The following LZTS1 variants were observed in gnomAD, a reference collection of about 807,000 sequenced individuals.
LZTS1 encodes leucine zipper tumor suppressor 1.
In LZTS1, 31 loss-of-function variants were observed where a neutral mutation model predicts 45.8. The observed-to-expected ratio is 0.68, with a 90% CI of 0.51 to 0.91. LZTS1 has a LOEUF of 0.91. Among genes scored for constraint, LZTS1 ranks in the 40% least tolerant of loss-of-function variants. The probability of loss-of-function intolerance (pLI) is 0.00; values close to 1 mark genes in which losing one functional copy is unlikely to be tolerated. For missense variants in LZTS1, 821 were observed against 788.9 expected (o/e 1.04, Z -0.49); for synonymous variants, 359 against 357.3 (o/e 1.00, Z -0.05).
intron 1 of LZTS1, among the ~76,000 whole-genome samples, chr8:20,294,826 C>T (rs1440205341): frequency 1.3e-5 from 2 of 152,060 alleles, no homozygotes; most frequent in Admixed American, 6.5e-5. Context: ...GGAGGGCAGA[C>T]CCCACACAGG....
chr8:20,262,543 C>T (rs148487745), intron 1 of LZTS1, among the ~76,000 whole-genome samples: 14 of 152,148 alleles, frequency 9.2e-5, no homozygotes, highest in East Asian at 3.9e-4. Flanking sequence ...AGATGACATT[C>T]GAGAAGAGCC....
At chr8:20,296,721 G>T (rs181476932) in intron 1 of LZTS1, among the ~76,000 whole-genome samples, 1 of 151,712 alleles carries the variant, frequency 6.6e-6, no homozygotes, top group Non-Finnish European at 1.5e-5. Context: ...GTATGTGTGC[G>T]TGTGTGCATG....
At chr8:20,291,621 G>A in intron 1 of LZTS1, among the ~76,000 whole-genome samples, 1 of 146,728 alleles carries the variant, frequency 6.8e-6, no homozygotes, top group Non-Finnish European at 1.5e-5. Flanking sequence ...TGTTCCATCT[G>A]CGATTGAGCA....
chr8:20,249,830 C>T lies in LZTS1; in HGVS notation c.1683G>A (p.Glu561=). 6.2e-7 allele frequency: 1 copy of T among 1,614,228 alleles called. No homozygotes were observed. Among genetic ancestry groups the T allele is most frequent in the South Asian group, 1.1e-5 (1 of 91,092 alleles). The part of the protein sequence containing the change: ...VAMYQRNQRL[E]KALQQLARGD... ...CACGTGCCAGCTGCTGCAGGGCCTT[C>T]TCCAGGCGCTGGTTCCGCTGGTACA... Residue 561 remains glutamate, a synonymous_variant, in exon 4 of 4, where the codon GAG becomes GAA. Coordinates refer to ENST00000381569, the MANE Select transcript of LZTS1 (RefSeq NM_021020.5).
chr8:20,298,973 A>G (rs1801025557), intron 1 of LZTS1, among the ~76,000 whole-genome samples: 1 of 152,244 alleles, frequency 6.6e-6, no homozygotes, highest in Non-Finnish European at 1.5e-5. Flanking sequence ...ACTAGCCGTA[A>G]GCTCACCAGC....
At chr8:20,276,260 T>TTTA (rs3988297) in intron 1 of LZTS1, among the ~76,000 whole-genome samples, 1 of 145,550 alleles carries the variant, frequency 6.9e-6, no homozygotes, top group Non-Finnish European at 1.5e-5. Flanking sequence ...TTTTTTTTTT[T>TTTA]GACTGATGGT....
intron 1 of LZTS1, among the ~76,000 whole-genome samples, chr8:20,275,200 G>A (rs1326628572): frequency 9.2e-5 from 14 of 152,128 alleles, no homozygotes; most frequent in African/African-American, 2.9e-4. Context: ...TCAGGAATTC[G>A]AGACCAGCCT....
intron 1 of LZTS1, among the ~76,000 whole-genome samples, chr8:20,260,927 C>T (rs560167272): frequency 6.6e-6 from 1 of 152,306 alleles, no homozygotes; most frequent in Admixed American, 6.5e-5. Flanking sequence ...AAGCTAATCA[C>T]CTTTAAGTGT....
At chr8:20,296,892 G>A (rs1168000321) in intron 1 of LZTS1, among the ~76,000 whole-genome samples, 1 of 152,166 alleles carries the variant, frequency 6.6e-6, no homozygotes, top group Non-Finnish European at 1.5e-5. Flanking sequence ...TTCAGACACC[G>A]ATTTGGCCTG....
rs1388939360 is a variant in LZTS1 at position 20,249,383 on chromosome 8, G to A, written c.*339C>T. On this transcript the variant is annotated 3_prime_UTR_variant, in exon 4 of 4. Transcript: ENST00000381569. ...GAAGCAGAGGGGAGCCGCTGTACTTGCTGTGGCCACCTTCCCTGGAGGAGG... is the reference window on the plus strand; with the variant it reads ...GAAGCAGAGGGGAGCCGCTGTACTTACTGTGGCCACCTTCCCTGGAGGAGG... 7.7e-6 allele frequency: 2 copies of A among 260,392 alleles called. No individual in the cohort carries two copies. The highest frequency in any genetic ancestry group is 1.8e-4 in the South Asian group (2 of 11,324). 16.1% of individuals were successfully genotyped at this position (260,392 alleles called of 1,614,324 possible). A position where few individuals can be genotyped will look rare whatever the true frequency, so the allele number is the denominator to read the frequency against.
At chr8:20,254,721 T>C (rs568536234) in intron 2 of LZTS1, 116 bp downstream of exon 2, 1 of 835,766 alleles carries the variant, frequency 1.2e-6, no homozygotes, top group East Asian at 2.7e-5. Context: ...CGCTCTGGTT[T>C]TGAGGAGTCT....
At chr8:20,299,442 T>C (rs1179853674) in intron 1 of LZTS1, among the ~76,000 whole-genome samples, 3 of 152,226 alleles carry the variant, frequency 2.0e-5, no homozygotes, top group African/African-American at 7.2e-5. Flanking sequence ...GTTTTCAACT[T>C]ACTTGTCATT....
chr8:20,264,613 G>C (rs760441741), intron 1 of LZTS1, among the ~76,000 whole-genome samples: 2 of 152,160 alleles, frequency 1.3e-5, no homozygotes, highest in African/African-American at 4.8e-5. Flanking sequence ...CTGTGACCAG[G>C]TGTGGTGAAG....
At chr8:20,290,420 G>A (rs1355754508) in intron 1 of LZTS1, 4 of 152,204 alleles carry the variant, frequency 2.6e-5, no homozygotes, top group African/African-American at 4.8e-5. Context: ...AAGGCAATAC[G>A]GAGCTCTCCT....
intron 1 of LZTS1, among the ~76,000 whole-genome samples, chr8:20,267,516 T>C (rs1275020656): frequency 1.3e-5 from 2 of 152,098 alleles, no homozygotes; most frequent in Non-Finnish European, 2.9e-5. Context: ...ACACTTGTTT[T>C]TTTGCTTGTT....
rs1197451365 is a variant in LZTS1 at position 20,303,885 on chromosome 8, GC to G, written c.-281del. 2.9e-5 allele frequency: 29 copies of G among 984,828 alleles called. No individual in the cohort carries two copies. Among genetic ancestry groups the G allele is most frequent in the Non-Finnish European group, 3.5e-5 (29 of 829,768 alleles). 61.0% of individuals were successfully genotyped at this position (984,828 alleles called of 1,614,324 possible). A position where few individuals can be genotyped will look rare whatever the true frequency, so the allele number is the denominator to read the frequency against. Reference sequence around the variant, plus strand: ...TGCAGCTCCCGGCTCCCACTCACTGGCCGAGGCGGGCAGAGAAACTTTCGGC... The same window carrying G: ...TGCAGCTCCCGGCTCCCACTCACTGGCGAGGCGGGCAGAGAAACTTTCGGC... On this transcript the variant is annotated 5_prime_UTR_variant, in exon 1 of 4. Transcript: ENST00000381569.
intron 1 of LZTS1, among the ~76,000 whole-genome samples, chr8:20,257,222 T>C (rs1800124808): frequency 6.6e-6 from 1 of 152,092 alleles, no homozygotes; most frequent in Non-Finnish European, 1.5e-5. Context: ...AAATTGGGCA[T>C]GGTGGCACGC....
intron 1 of LZTS1, among the ~76,000 whole-genome samples, chr8:20,301,361 C>A (rs1276404616): frequency 6.6e-6 from 1 of 152,130 alleles, no homozygotes; most frequent in African/African-American, 2.4e-5. Flanking sequence ...CCCCGCAGGG[C>A]TGCAGTGAAA....
chr8:20,301,479 T>C (rs978001588), intron 1 of LZTS1, among the ~76,000 whole-genome samples: 2 of 152,164 alleles, frequency 1.3e-5, no homozygotes, highest in Admixed American at 1.3e-4. Context: ...TGCTTACCCA[T>C]AGGTCTGTCA....
Sources: allele counts gnomAD v4.1 joint callset (sites outside exome capture counted in the v4.1 genomes callset), GRCh38; gene constraint gnomAD v4.1.1; transcripts MANE v1.5; gene names NCBI Gene and HGNC (gene_info 2026-07-23, HGNC 2026-07-21).